Variants in THSD4 observed in about 807,000 individuals in gnomAD.
The protein encoded by THSD4 is thrombospondin type-1 domain-containing protein 4.
THSD4 carries 69 observed loss-of-function variants against 119.0 expected under a neutral mutation model. That is an observed-to-expected ratio of 0.58 (90% CI 0.48 to 0.71). The LOEUF (loss-of-function observed/expected upper bound fraction) is 0.71, where lower values mean the gene tolerates loss of function less well. Among genes scored for constraint, THSD4 ranks in the 30% least tolerant of loss-of-function variants. The pLI, the probability that THSD4 is intolerant of heterozygous loss-of-function variation, is 0.00. For synonymous variants in THSD4, 524 were observed against 540.4 expected (o/e 0.97, Z 0.42); for missense variants, 1,393 against 1,391.1 (o/e 1.00, Z -0.02).
intron 8 of THSD4, among the ~76,000 whole-genome samples, chr15:71,707,924 G>GT (rs2052424684): frequency 6.6e-6 from 1 of 152,194 alleles, no homozygotes; most frequent in Admixed American, 6.5e-5. Context: ...TAACCACTGT[G>GT]TTGTGCAAGA....
chr15:71,499,891 A>T (rs1005120863), intron 7 of THSD4, among the ~76,000 whole-genome samples: 5 of 152,148 alleles, frequency 3.3e-5, no homozygotes, highest in Non-Finnish European at 5.9e-5. Context: ...TTATCCATTC[A>T]TCTACAGTTG....
intron 11 of THSD4, 143 bp from the exon 12 acceptor site, chr15:71,744,963 C>T (rs1476983646): frequency 9.8e-7 from 1 of 1,020,762 alleles, no homozygotes; most frequent in Admixed American, 2.4e-5. Context: ...GAAGGGGGAG[C>T]GTAAGTGTGC....
chr15:71,564,914 C>A (rs2049205867), intron 7 of THSD4, among the ~76,000 whole-genome samples: 2 of 150,928 alleles, frequency 1.3e-5, no homozygotes, highest in South Asian at 4.2e-4. Flanking sequence ...ATGAATATAT[C>A]CAGGACAAAA....
chr15:71,342,706 A>C (rs1401489411), intron 6 of THSD4: 4 of 152,274 alleles, frequency 2.6e-5, no homozygotes, highest in African/African-American at 9.7e-5. Flanking sequence ...AGGGGATCCC[A>C]CCTCAGCCAT....
In THSD4 at chr15:71,728,610, A is replaced by C. The variant is rs550102640; in HGVS notation, c.1419A>C (p.Gly473=). The change falls in exon 9 of 18, where the codon GGA becomes GGC. Residue 473 remains glycine, a synonymous_variant. Coordinates refer to ENST00000261862, the MANE Select transcript of THSD4 (RefSeq NM_024817.3). ...GGAACTGGGCAATTGATCGACCAGG[A>C]AAATACGAGGGCGGAGGGACCATGT... ...INGNWAIDRP[G]KYEGGGTMFT... is the part of the protein sequence containing the mutation. 3 of 1,614,228 alleles carry C rather than the reference A, an allele frequency of 1.9e-6. No homozygotes were observed. The highest frequency in any genetic ancestry group is 2.5e-6 in the Non-Finnish European group (3 of 1,180,040).
chr15:71,589,556 A>G (rs915875465), intron 7 of THSD4, among the ~76,000 whole-genome samples: 1 of 137,870 alleles, frequency 7.3e-6, no homozygotes, highest in South Asian at 2.3e-4. Context: ...ATGGGGCCCC[A>G]TGTGTCACCC....
chr15:71,303,281 C>T (rs1012082289), intron 6 of THSD4, among the ~76,000 whole-genome samples: 1 of 152,198 alleles, frequency 6.6e-6, no homozygotes, highest in East Asian at 1.9e-4. Context: ...GCTAACACTT[C>T]AGGTAGGGCC....
intron 4 of THSD4, among the ~76,000 whole-genome samples, chr15:71,232,513 G>C (rs998466763): frequency 2.9e-4 from 44 of 152,116 alleles, no homozygotes; most frequent in Non-Finnish European, 5.9e-5. Flanking sequence ...GCCCCCGAGA[G>C]TACTAACAGT....
In THSD4 at chr15:71,662,262, AC is replaced by A. The variant is rs1347837829; in HGVS notation, c.1357+1529del. On this transcript the variant is annotated intron_variant, in intron 8 of 17. Coordinates refer to ENST00000261862, the MANE Select transcript of THSD4 (RefSeq NM_024817.3). ...AATGCAGCCAAAACTAAGTGGTTTT[AC>A]GGGGGGGGAGGAGGAAGGGATGGCA... Among the ~76,000 whole-genome samples the A allele has an allele frequency of 5.3e-3, 22 of 4,164 alleles. No individual in the cohort carries two copies. In the East Asian group the frequency reaches 0.4, roughly 76 times the overall value. 2.7% of individuals were successfully genotyped at this position (4,164 alleles called of 152,430 possible).
chr15:71,509,681 G>C (rs4316710), intron 7 of THSD4, among the ~76,000 whole-genome samples: 122,006 of 152,134 alleles, frequency 0.8, 49,109 homozygotes, highest in East Asian at 0.94. Context: ...ACTGTATCTT[G>C]CAGGCAGTAG....
intron 7 of THSD4, among the ~76,000 whole-genome samples, chr15:71,559,658 T>C (rs1464305849): frequency 6.6e-6 from 1 of 151,916 alleles, no homozygotes; most frequent in Non-Finnish European, 1.5e-5. Context: ...AGAAGAATAA[T>C]ATTCATCGCA....
At chr15:71,396,258 CAT>C (rs1244197705) in intron 6 of THSD4, among the ~76,000 whole-genome samples, 2 of 151,862 alleles carry the variant, frequency 1.3e-5, no homozygotes, top group Admixed American at 6.6e-5. Context: ...ATAATATACA[CAT>C]ATGCATGTAC....
intron 8 of THSD4, among the ~76,000 whole-genome samples, chr15:71,678,151 G>T (rs1352381727): frequency 6.6e-6 from 1 of 152,198 alleles, no homozygotes; most frequent in Non-Finnish European, 1.5e-5. Context: ...ACTTGGAAGT[G>T]CATTTAAATC....
intron 7 of THSD4, among the ~76,000 whole-genome samples, chr15:71,538,731 T>G (rs10851844): frequency 6.6e-6 from 1 of 152,106 alleles, no homozygotes; most frequent in Non-Finnish European, 1.5e-5. Context: ...ATGATGCTGA[T>G]CCAGGGACCA....
chr15:71,112,560 C>T (rs1171605133), upstream of THSD4, among the ~76,000 whole-genome samples: 6 of 152,178 alleles, frequency 3.9e-5, no homozygotes, highest in African/African-American at 2.4e-5. Context: ...GTGAGTAGCT[C>T]ACCACATCAG....
intron 6 of THSD4, among the ~76,000 whole-genome samples, chr15:71,387,483 C>T (rs1245513779): frequency 1.3e-5 from 2 of 152,090 alleles, no homozygotes; most frequent in Non-Finnish European, 2.9e-5. Flanking sequence ...CAAAATAACT[C>T]AAAATTCATT....
intron 3 of THSD4, among the ~76,000 whole-genome samples, chr15:71,160,031 A>T (rs1348612392): frequency 6.6e-6 from 1 of 152,028 alleles, no homozygotes; most frequent in Non-Finnish European, 1.5e-5. Context: ...ATCATGAAGG[A>T]ATGTTGAATT....
chr15:71,098,776 C>CAATAAGAATACAAGTTA (rs1348075867), intron 1 of THSD4, among the ~76,000 whole-genome samples: 1 of 151,986 alleles, frequency 6.6e-6, no homozygotes, highest in South Asian at 2.1e-4. Flanking sequence ...TGTAGAGACT[C>CAATAAGAATACAAGTTA]AATAAGAATA....
At chr15:71,588,811 G>C (rs557001612) in intron 7 of THSD4, among the ~76,000 whole-genome samples, 1 of 152,144 alleles carries the variant, frequency 6.6e-6, no homozygotes, top group Non-Finnish European at 1.5e-5. Context: ...GGGGGAGATA[G>C]GTATCAGTTA....
Sources: gnomAD v4.1 joint callset for allele counts (sites outside exome capture counted in the v4.1 genomes callset) on GRCh38, gnomAD v4.1.1 for gene constraint, MANE v1.5 for transcripts, NCBI Gene and HGNC (gene_info 2026-07-23, HGNC 2026-07-21) for gene names.